The following SERINC5 variants were observed in gnomAD, a reference collection of about 807,000 sequenced individuals.
SERINC5 encodes the protein serine incorporator 5.
SERINC5 carries 41 observed loss-of-function variants against 63.1 expected under a neutral mutation model. The observed-to-expected ratio is 0.65, with a 90% CI of 0.51 to 0.84. The LOEUF (loss-of-function observed/expected upper bound fraction) is 0.84. Ranked by LOEUF, SERINC5 falls within the 40% of genes least tolerant of loss-of-function variation. The pLI, the probability that SERINC5 is intolerant of heterozygous loss-of-function variation, is 0.00. For missense variants in SERINC5, 523 were observed against 573.0 expected (o/e 0.91, Z 0.89); for synonymous variants, 222 against 215.2 (o/e 1.03, Z -0.28).
intron 12 of SERINC5, among the ~76,000 whole-genome samples, chr5:80,112,279 T>C (rs946681838): frequency 6.6e-6 from 1 of 152,230 alleles, no homozygotes; most frequent in Non-Finnish European, 1.5e-5. Context: ...TATTCTGTTA[T>C]TCTTTACTAC....
intron 1 of SERINC5, among the ~76,000 whole-genome samples, chr5:80,250,007 T>A (rs561281651): frequency 6.6e-6 from 1 of 152,198 alleles, no homozygotes; most frequent in East Asian, 1.9e-4. Flanking sequence ...TGTAATATAA[T>A]GAGGACCTAA....
At chr5:80,165,687 G>A (rs1747249250) in intron 7 of SERINC5, among the ~76,000 whole-genome samples, 1 of 152,134 alleles carries the variant, frequency 6.6e-6, no homozygotes, top group African/African-American at 2.4e-5. Context: ...TCTGTGCTCA[G>A]ATCCTGCTCC....
Position 80,226,468 on chromosome 5 carries a change from T to C in SERINC5, c.28-23415A>G, listed in dbSNP as rs141266666. 7.9e-3 allele frequency among the ~76,000 whole-genome samples: 1,210 copies of C among 152,266 alleles called. 18 individuals are homozygous for C. Among genetic ancestry groups the C allele is most frequent in the African/African-American group, 0.026 (1,075 of 41,552 alleles). On this transcript the variant is annotated intron_variant, in intron 1 of 11. Coordinates refer to ENST00000507668, the MANE Select transcript of SERINC5 (RefSeq NM_001174072.3). ...TTCCTTCACCAGATCTCAGGATATC[T>C]GGAATATACTGTTTTGACCCCTCCT...
At chr5:80,146,272 A>G in intron 10 of SERINC5, 38 bp from the exon 11 acceptor site, 1 of 1,611,522 alleles carries the variant, frequency 6.2e-7, no homozygotes. Flanking sequence ...CAATGAGTGA[A>G]TGTGTGTGTT....
At chr5:80,168,548 T>G (rs1747452346) in intron 6 of SERINC5, among the ~76,000 whole-genome samples, 1 of 152,140 alleles carries the variant, frequency 6.6e-6, no homozygotes, top group African/African-American at 2.4e-5. Context: ...TCAAGGGGGC[T>G]GTACATTTAT....
chr5:80,169,402 C>A lies in SERINC5; in HGVS notation c.696G>T (p.Leu232=), dbSNP rs760815461. The part of the protein sequence containing the change: ...QKDSCMENKI[L]LGVNGGLCLL... ...GGCACAGGCCTCCATTTACTCCCAG[C>A]AGAATTTTGTTTTCCATGCAGCTGT... The change falls in exon 6 of 12, where the codon CTG becomes CTT. Residue 232 remains leucine, a synonymous_variant. Coordinates refer to ENST00000507668, the MANE Select transcript of SERINC5 (RefSeq NM_001174072.3). 6.2e-7 allele frequency: 1 copy of A among 1,613,984 alleles called. No individual in the cohort carries two copies. The highest frequency in any genetic ancestry group is 8.5e-7 in the Non-Finnish European group (1 of 1,179,870).
At chr5:80,183,085 T>C (rs558384813) in intron 2 of SERINC5, among the ~76,000 whole-genome samples, 85 of 151,744 alleles carry the variant, frequency 5.6e-4, no homozygotes, top group Non-Finnish European at 1.1e-3. Context: ...GTGGAAGACG[T>C]GGTGAAAGGG....
At chr5:80,177,820 A>ATG (rs1748133414) in intron 3 of SERINC5, 66 bp downstream of exon 3, 1 of 1,267,780 alleles carries the variant, frequency 7.9e-7, no homozygotes. Context: ...GGCAGATGGG[A>ATG]TCCTGGACTA....
chr5:80,200,358 C>T (rs1219761950), intron 2 of SERINC5, among the ~76,000 whole-genome samples: 5 of 150,520 alleles, frequency 3.3e-5, no homozygotes, highest in Admixed American at 1.3e-4. Flanking sequence ...TGGTGGCAGG[C>T]GCCTGTAGTC....
At chr5:80,231,425 A>G (rs1173891040) in intron 1 of SERINC5, among the ~76,000 whole-genome samples, 5 of 152,156 alleles carry the variant, frequency 3.3e-5, no homozygotes, top group African/African-American at 1.2e-4. Flanking sequence ...TCATGCCTGT[A>G]ACAGCATCTA....
At chr5:80,126,326 C>CATAGTCATAGT (rs1210008860) in intron 11 of SERINC5, among the ~76,000 whole-genome samples, 1 of 152,168 alleles carries the variant, frequency 6.6e-6, no homozygotes, top group East Asian at 1.9e-4. Context: ...GCAGTGAGGT[C>CATAGTCATAGT]CAAACTGTAC....
At chr5:80,235,610 G>A (rs72776289) in intron 1 of SERINC5, among the ~76,000 whole-genome samples, 1,724 of 152,008 alleles carry the variant, frequency 0.011, 16 homozygotes, top group Non-Finnish European at 0.017. Context: ...TTGTTTGTTT[G>A]TTTTTGAGAC....
At chr5:80,215,013 A>C (rs1750602271) in intron 1 of SERINC5, among the ~76,000 whole-genome samples, 1 of 152,232 alleles carries the variant, frequency 6.6e-6, no homozygotes, top group Admixed American at 6.5e-5. Flanking sequence ...ATAAACCAAT[A>C]CTTGGTAGAA....
chr5:80,194,366 A>C (rs949731502), intron 2 of SERINC5, among the ~76,000 whole-genome samples: 11 of 152,206 alleles, frequency 7.2e-5, no homozygotes, highest in African/African-American at 2.7e-4. Flanking sequence ...ATCAAAGGAA[A>C]ATCAAGAGCC....
At chr5:80,203,257 C>CATATATAT (rs35653111) in intron 1 of SERINC5, 54 of 257,590 alleles carry the variant, frequency 2.1e-4, no homozygotes, top group African/African-American at 4.9e-4. Flanking sequence ...TATATATACA[C>CATATATAT]ATATATATAT....
chr5:80,233,806 T>C (rs72776288), intron 1 of SERINC5, among the ~76,000 whole-genome samples: 7,708 of 50,172 alleles, frequency 0.15, 148 homozygotes, highest in Middle Eastern at 0.18. Flanking sequence ...CAACTTTTAC[T>C]TTTTTTTTTT....
chr5:80,183,648 T>C (rs926737778), intron 2 of SERINC5, among the ~76,000 whole-genome samples: 2 of 152,164 alleles, frequency 1.3e-5, no homozygotes, highest in African/African-American at 4.8e-5. Context: ...TGATTAACCC[T>C]GTGAATTTCC....
At chr5:80,160,015 T>C (rs1339855210) in intron 7 of SERINC5, among the ~76,000 whole-genome samples, 2 of 152,162 alleles carry the variant, frequency 1.3e-5, no homozygotes, top group African/African-American at 4.8e-5. Context: ...AATTAATCCA[T>C]CCCAAAGAAG....
At chr5:80,128,142 T>A (rs1426985162) in intron 11 of SERINC5, among the ~76,000 whole-genome samples, 1 of 152,210 alleles carries the variant, frequency 6.6e-6, no homozygotes, top group African/African-American at 2.4e-5. Flanking sequence ...TAGATAAAAT[T>A]TATGACTAGA....
Sources: gnomAD v4.1 joint callset for allele counts (sites outside exome capture counted in the v4.1 genomes callset) on GRCh38, gnomAD v4.1.1 for gene constraint, MANE v1.5 for transcripts, NCBI Gene and HGNC (gene_info 2026-07-23, HGNC 2026-07-21) for gene names.